Variants in ATP8A2 observed in about 807,000 individuals in gnomAD.
ATP8A2 encodes the protein phospholipid-transporting ATPase IB.
A neutral mutation model predicts 165.6 loss-of-function variants in ATP8A2; 100 were observed. The ratio of observed to expected loss-of-function variants is 0.60; its 90% CI spans 0.51 to 0.71. ATP8A2 has a LOEUF of 0.71. Ranked by LOEUF, ATP8A2 falls within the 30% of genes least tolerant of loss-of-function variation. The probability of loss-of-function intolerance (pLI) is 0.00; values close to 1 mark genes in which losing one functional copy is unlikely to be tolerated. For synonymous variants in ATP8A2, 543 were observed against 548.8 expected, an observed-to-expected ratio of 0.99 and a Z score of 0.15; for missense variants, 1,227 against 1,479.5, an observed-to-expected ratio of 0.83 and a Z score of 2.80.
chr13:25,946,832 C>T lies in ATP8A2; in HGVS notation c.3184-14743C>T, dbSNP rs146184396. Among the ~76,000 whole-genome samples the T allele has an allele frequency of 4.0e-3, 603 of 152,264 alleles. 5 individuals carry two copies. Among genetic ancestry groups the T allele is most frequent in the Non-Finnish European group, 5.9e-3 (404 of 68,024 alleles). ...GCACGATCTTGGCTCACTGCAATCT[C>T]TGCCTCCTGGGTTGGAGCAATTCTC... On this transcript the variant is annotated intron_variant, in intron 33 of 36. Coordinates refer to ENST00000381655, the MANE Select transcript of ATP8A2 (RefSeq NM_016529.6).
intron 35 of ATP8A2, among the ~76,000 whole-genome samples, chr13:25,972,629 C>G (rs1029061311): frequency 1.3e-5 from 2 of 152,106 alleles, no homozygotes; most frequent in African/African-American, 4.8e-5. Context: ...CCCCCCGCAC[C>G]GCACATGAAA....
rs189885345 is a variant in ATP8A2 at position 25,555,416 on chromosome 13, C to G, written c.1263+348C>G. ...TGAGATACTTAGATATTGAGTAACCCTACAAAACGTGTGGGGGCCAATTTA... is the reference window on the plus strand; with the variant it reads ...TGAGATACTTAGATATTGAGTAACCGTACAAAACGTGTGGGGGCCAATTTA... On this transcript the variant is annotated intron_variant, in intron 13 of 36. Transcript: ENST00000381655. 5.1e-3 allele frequency among the ~76,000 whole-genome samples: 778 copies of G among 152,116 alleles called. 6 individuals carry two copies. Among genetic ancestry groups the G allele is most frequent in the African/African-American group, 0.018 (756 of 41,500 alleles).
intron 33 of ATP8A2, among the ~76,000 whole-genome samples, chr13:25,907,124 G>T (rs147221582): frequency 2.6e-5 from 4 of 152,138 alleles, no homozygotes; most frequent in African/African-American, 9.7e-5. Flanking sequence ...CAGCTACTCC[G>T]GAGGCTGAGG....
intron 24 of ATP8A2, among the ~76,000 whole-genome samples, chr13:25,658,074 T>A (rs1195132822): frequency 1.3e-5 from 2 of 152,190 alleles, no homozygotes; most frequent in Non-Finnish European, 2.9e-5. Flanking sequence ...TTGAGTAGAT[T>A]GGGCAACTTG....
Position 25,447,594 on chromosome 13 carries a change from C to A in ATP8A2, c.77-21383C>A, listed in dbSNP as rs188986652. ...CATGGCAGTGTCTAGGGGTTGTCTG[C>A]AACCTCTGGAGCACCAGAGGGCGTG... On this transcript the variant is annotated intron_variant, in intron 1 of 36. Coordinates refer to ENST00000381655, the MANE Select transcript of ATP8A2 (RefSeq NM_016529.6). 1.3e-3 allele frequency among the ~76,000 whole-genome samples: 201 copies of A among 152,290 alleles called. 3 individuals are homozygous for A. The highest frequency in any genetic ancestry group is 4.5e-3 in the African/African-American group (188 of 41,562).
At chr13:25,684,268 C>T (rs1213681328) in intron 24 of ATP8A2, among the ~76,000 whole-genome samples, 4 of 152,214 alleles carry the variant, frequency 2.6e-5, no homozygotes, top group African/African-American at 9.6e-5. Flanking sequence ...TTCAGTCTTA[C>T]TGGAAATATT....
At chr13:25,826,733 G>T (rs998533728) in intron 27 of ATP8A2, among the ~76,000 whole-genome samples, 11 of 152,286 alleles carry the variant, frequency 7.2e-5, no homozygotes, top group Admixed American at 3.9e-4. Flanking sequence ...CCCTCAATCA[G>T]ACTCTCATAT....
chr13:25,803,770 T>C (rs530032327), intron 27 of ATP8A2, among the ~76,000 whole-genome samples: 5 of 152,384 alleles, frequency 3.3e-5, no homozygotes, highest in African/African-American at 1.2e-4. Flanking sequence ...GTTAATACGT[T>C]GGAATATTAC....
chr13:25,986,719 T>C (rs1488661368), intron 35 of ATP8A2, among the ~76,000 whole-genome samples: 1 of 152,210 alleles, frequency 6.6e-6, no homozygotes, highest in African/African-American at 2.4e-5. Flanking sequence ...TGGATGTATA[T>C]ACCCGGGACT....
intron 1 of ATP8A2, among the ~76,000 whole-genome samples, chr13:25,391,612 C>T (rs2033250620): frequency 6.6e-6 from 1 of 152,236 alleles, no homozygotes; most frequent in Admixed American, 6.5e-5. Context: ...GCAGGAAGCT[C>T]ACCTTGCCAT....
intron 27 of ATP8A2, among the ~76,000 whole-genome samples, chr13:25,789,388 C>A (rs1418929691): frequency 6.6e-6 from 1 of 152,136 alleles, no homozygotes; most frequent in East Asian, 1.9e-4. Context: ...ACAACCTCAG[C>A]AAAGTCTCAG....
intron 1 of ATP8A2, among the ~76,000 whole-genome samples, chr13:25,438,751 C>T (rs1267414774): frequency 6.6e-6 from 1 of 152,150 alleles, no homozygotes; most frequent in Non-Finnish European, 1.5e-5. Context: ...TTAGTAAATT[C>T]AGCCTAGTTG....
intron 10 of ATP8A2, among the ~76,000 whole-genome samples, chr13:25,550,618 G>A (rs2038790948): frequency 6.6e-6 from 1 of 152,104 alleles, no homozygotes; most frequent in South Asian, 2.1e-4. Flanking sequence ...CAGTGAGAAG[G>A]CAGGTGCTAA....
chr13:25,485,916 A>G (rs570402184), intron 2 of ATP8A2, among the ~76,000 whole-genome samples: 9 of 151,956 alleles, frequency 5.9e-5, no homozygotes, highest in Admixed American at 1.3e-4. Flanking sequence ...TTATTTCACC[A>G]ATTGACAACA....
chr13:25,425,059 A>T (rs1016214257), intron 1 of ATP8A2, among the ~76,000 whole-genome samples: 1 of 152,184 alleles, frequency 6.6e-6, no homozygotes, highest in Non-Finnish European at 1.5e-5. Context: ...GTGGAGATTC[A>T]TTTTGTTTTC....
At chr13:25,404,656 G>A (rs772121974) in intron 1 of ATP8A2, among the ~76,000 whole-genome samples, 9 of 152,134 alleles carry the variant, frequency 5.9e-5, no homozygotes, top group East Asian at 1.9e-4. Context: ...TCTGGTTTGC[G>A]CAACTGGGTG....
chr13:25,833,275 T>C (rs1951524421), intron 28 of ATP8A2, among the ~76,000 whole-genome samples: 3 of 152,130 alleles, frequency 2.0e-5, no homozygotes, highest in Admixed American at 2.0e-4. Flanking sequence ...TCTTCTAAAA[T>C]TAATATAAAT....
intron 24 of ATP8A2, among the ~76,000 whole-genome samples, chr13:25,674,179 C>T (rs2137767241): frequency 6.6e-6 from 1 of 152,264 alleles, no homozygotes; most frequent in East Asian, 1.9e-4. Flanking sequence ...AGAAGCCACC[C>T]AACCTCTGCC....
chr13:25,602,473 TCC>T (rs2040412441), intron 24 of ATP8A2, among the ~76,000 whole-genome samples: 1 of 152,216 alleles, frequency 6.6e-6, no homozygotes, highest in African/African-American at 2.4e-5. Context: ...GCACCTGTTT[TCC>T]TGGCATAGAT....
Sources: gnomAD v4.1 joint callset for allele counts (sites outside exome capture counted in the v4.1 genomes callset) on GRCh38, gnomAD v4.1.1 for gene constraint, MANE v1.5 for transcripts, NCBI Gene and HGNC (gene_info 2026-07-23, HGNC 2026-07-21) for gene names.